KCNH7: variants seen among roughly 807,000 people sequenced by gnomAD.
The protein encoded by KCNH7 is potassium voltage-gated channel subfamily H member 7, also known as voltage-gated inwardly rectifying potassium channel KCNH7.
A neutral mutation model predicts 120.8 loss-of-function variants in KCNH7; 49 were observed. The observed-to-expected ratio is 0.41, with a 90% CI of 0.32 to 0.51. KCNH7 has a LOEUF of 0.51. Ranked by LOEUF, KCNH7 falls within the 20% of genes least tolerant of loss-of-function variation. KCNH7 has a pLI of 0.38. For synonymous variants in KCNH7, 547 were observed against 516.1 expected (o/e 1.06, Z -0.81); for missense variants, 1,097 against 1,446.6 (o/e 0.76, Z 3.92).
At chr2:162,396,087 A>G (rs1460261976) in intron 11 of KCNH7, among the ~76,000 whole-genome samples, 1 of 151,764 alleles carries the variant, frequency 6.6e-6, no homozygotes, top group Non-Finnish European at 1.5e-5. Flanking sequence ...GTAATAGCTC[A>G]TAAGGGCACA....
At chr2:162,728,126 G>A (rs1687593743) in intron 2 of KCNH7, among the ~76,000 whole-genome samples, 1 of 150,662 alleles carries the variant, frequency 6.6e-6, no homozygotes, top group Non-Finnish European at 1.5e-5. Flanking sequence ...GTATATGACA[G>A]CTCTAGTTGA....
At chr2:162,373,047 C>T (rs996607078) in intron 15 of KCNH7, among the ~76,000 whole-genome samples, 3 of 152,104 alleles carry the variant, frequency 2.0e-5, no homozygotes, top group African/African-American at 7.2e-5. Context: ...TTCCTGAGAC[C>T]TCTCCCAGCC....
At chr2:162,481,965 C>CT (rs148374578) in intron 6 of KCNH7, among the ~76,000 whole-genome samples, 8 of 151,098 alleles carry the variant, frequency 5.3e-5, no homozygotes, top group South Asian at 2.1e-4. Context: ...ATCTATCTAT[C>CT]ATCTATCTAT....
intron 2 of KCNH7, among the ~76,000 whole-genome samples, chr2:162,834,253 C>T (rs1457052715): frequency 6.6e-6 from 1 of 151,942 alleles, no homozygotes; most frequent in African/African-American, 2.4e-5. Flanking sequence ...GAACTAGCAG[C>T]CAAAACACAA....
Position 162,598,255 on chromosome 2 carries a change from T to C in KCNH7, c.308-61175A>G, listed in dbSNP as rs538727066. Among the ~76,000 whole-genome samples the C allele has an allele frequency of 1.9e-3, 283 of 152,226 alleles. 1 individual carries two copies. The highest frequency in any genetic ancestry group is 6.6e-3 in the African/African-American group (276 of 41,570). On this transcript the variant is annotated intron_variant, in intron 2 of 15. Coordinates refer to ENST00000332142, the MANE Select transcript of KCNH7 (RefSeq NM_033272.4). ...TATGAAGTTAATGTGGATGTTACCA[T>C]CTAGTTTTTCTTTTGTAAGTAAGCT...
intron 2 of KCNH7, among the ~76,000 whole-genome samples, chr2:162,688,771 A>G (rs1685993872): frequency 7.0e-6 from 1 of 143,200 alleles, no homozygotes; most frequent in Non-Finnish European, 1.5e-5. Flanking sequence ...TGCTGTCTGC[A>G]CTGCTGTTTA....
chr2:162,662,859 A>G (rs1225609895), intron 2 of KCNH7, among the ~76,000 whole-genome samples: 1 of 152,204 alleles, frequency 6.6e-6, no homozygotes, highest in African/African-American at 2.4e-5. Context: ...CACAATAAAT[A>G]TTTGTTCTGA....
chr2:162,682,378 C>T (rs574312729), intron 2 of KCNH7, among the ~76,000 whole-genome samples: 6 of 149,782 alleles, frequency 4.0e-5, no homozygotes, highest in African/African-American at 4.9e-5. Flanking sequence ...TTGTAAGAAC[C>T]GATTCATTAA....
At chr2:162,597,323 G>A (rs185651959) in intron 2 of KCNH7, among the ~76,000 whole-genome samples, 194 of 152,030 alleles carry the variant, frequency 1.3e-3, no homozygotes, top group Non-Finnish European at 2.3e-3. Context: ...GATTAAAAAC[G>A]TGGTATATAC....
intron 6 of KCNH7, among the ~76,000 whole-genome samples, chr2:162,477,663 T>C (rs954906445): frequency 1.3e-5 from 2 of 152,214 alleles, no homozygotes; most frequent in Admixed American, 6.5e-5. Flanking sequence ...TTATTTATTT[T>C]CAGTAATTTC....
At chr2:162,525,024 C>A (rs1269669089) in intron 3 of KCNH7, among the ~76,000 whole-genome samples, 1 of 151,196 alleles carries the variant, frequency 6.6e-6, no homozygotes, top group Non-Finnish European at 1.5e-5. Context: ...CCAGCGCAGG[C>A]CTGGTGTCAG....
intron 6 of KCNH7, among the ~76,000 whole-genome samples, chr2:162,448,999 G>C (rs1390843877): frequency 2.0e-5 from 3 of 151,900 alleles, no homozygotes; most frequent in Non-Finnish European, 2.9e-5. Context: ...AGTCAGAAAA[G>C]GACACAGCTA....
intron 2 of KCNH7, among the ~76,000 whole-genome samples, chr2:162,672,090 A>T (rs1685381035): frequency 6.6e-6 from 1 of 152,106 alleles, no homozygotes; most frequent in Non-Finnish European, 1.5e-5. Flanking sequence ...AAATTGATCA[A>T]TTCATTATCG....
At chr2:162,380,177 G>C (rs371381167) in intron 13 of KCNH7, among the ~76,000 whole-genome samples, 156 bp from the exon 14 acceptor site, 2 of 152,154 alleles carry the variant, frequency 1.3e-5, no homozygotes, top group Non-Finnish European at 2.9e-5. Context: ...GCCACGGCCA[G>C]TTGGTAGCAG....
intron 3 of KCNH7, among the ~76,000 whole-genome samples, chr2:162,529,440 A>T (rs575282725): frequency 2.8e-4 from 42 of 152,098 alleles, no homozygotes; most frequent in Admixed American, 1.4e-3. Flanking sequence ...CAATCCCTTC[A>T]AGAAATGTTT....
chr2:162,551,856 C>T (rs1445799819), intron 2 of KCNH7, among the ~76,000 whole-genome samples: 1 of 151,924 alleles, frequency 6.6e-6, no homozygotes, highest in African/African-American at 2.4e-5. Flanking sequence ...TATAATAGCA[C>T]TTCAATTCCA....
intron 2 of KCNH7, among the ~76,000 whole-genome samples, chr2:162,707,392 G>A (rs549507346): frequency 5.3e-5 from 8 of 152,066 alleles, no homozygotes; most frequent in African/African-American, 1.9e-4. Context: ...TGGAGGATAC[G>A]AACTAGATAG....
intron 6 of KCNH7, among the ~76,000 whole-genome samples, chr2:162,474,110 C>T (rs1309781511): frequency 6.6e-6 from 1 of 152,160 alleles, no homozygotes; most frequent in African/African-American, 2.4e-5. Context: ...TCACAATAAT[C>T]CTATAAAGTA....
At chr2:162,671,418 A>G (rs758666208) in intron 2 of KCNH7, among the ~76,000 whole-genome samples, 21 of 150,762 alleles carry the variant, frequency 1.4e-4, no homozygotes, top group Non-Finnish European at 2.5e-4. Flanking sequence ...AGCAACATGC[A>G]TAGAACTGGA....
Sources: gnomAD v4.1 joint callset for allele counts (sites outside exome capture counted in the v4.1 genomes callset) on GRCh38, gnomAD v4.1.1 for gene constraint, MANE v1.5 for transcripts, NCBI Gene and HGNC (gene_info 2026-07-23, HGNC 2026-07-21) for gene names.